Variants in IRAK1BP1 observed in about 807,000 individuals in gnomAD.
IRAK1BP1 encodes the protein interleukin-1 receptor-associated kinase 1-binding protein 1.
In IRAK1BP1, 24 loss-of-function variants were observed where a neutral mutation model predicts 28.0. The observed-to-expected ratio is 0.86, with a 90% CI of 0.62 to 1.20. The LOEUF (loss-of-function observed/expected upper bound fraction) is 1.20, where lower values mean the gene tolerates loss of function less well. Ranked by LOEUF, IRAK1BP1 falls within the 50% of genes most tolerant of loss-of-function variation. IRAK1BP1 has a pLI of 0.00. For synonymous variants in IRAK1BP1, 131 were observed against 116.3 expected (o/e 1.13, Z -0.81); for missense variants, 336 against 316.7 (o/e 1.06, Z -0.46).
chr6:78,931,362 C>T (rs889165968), intron 4 of IRAK1BP1, among the ~76,000 whole-genome samples: 3 of 151,660 alleles, frequency 2.0e-5, no homozygotes, highest in African/African-American at 7.3e-5. Context: ...CAGTGAGCTA[C>T]GATTTGTGCC....
intron 1 of IRAK1BP1, among the ~76,000 whole-genome samples, chr6:78,868,573 AACAAATCTT>A (rs1214540893): frequency 1.3e-5 from 2 of 152,218 alleles, no homozygotes; most frequent in African/African-American, 2.4e-5. Flanking sequence ...CAAATCACTA[AACAAATCTT>A]ACCTTAAGCC....
chr6:78,941,313 C>T lies in IRAK1BP1; in HGVS notation c.*68-4095C>T, dbSNP rs776162259. The T allele has an allele frequency of 8.7e-6, 14 of 1,612,742 alleles. No homozygotes were observed. Among genetic ancestry groups the T allele is most frequent in the South Asian group, 6.6e-5 (6 of 91,004 alleles). On this transcript the variant is annotated intron_variant and NMD_transcript_variant, in intron 4 of 4. Coordinates refer to the IRAK1BP1 transcript ENST00000606868. ...ACTTGAATGGTTCCTGGTACAAGAGCGTTGTTCTTACAATCTCCTAAAAGG... is the reference window on the plus strand; with the variant it reads ...ACTTGAATGGTTCCTGGTACAAGAGTGTTGTTCTTACAATCTCCTAAAAGG...
chr6:78,898,419 T>TAC lies in IRAK1BP1; in HGVS notation c.*86_*87insCA, dbSNP rs1002750659. On this transcript the variant is annotated 3_prime_UTR_variant, in exon 4 of 4. Coordinates refer to ENST00000369940, the MANE Select transcript of IRAK1BP1 (RefSeq NM_001010844.4). Reference sequence around the variant, plus strand: ...TGTTTACGTTTGTCCTGAATATATATATATATATATATATATATATATATA... The same window carrying TAC: ...TGTTTACGTTTGTCCTGAATATATATACATATATATATATATATATATATATA... 1 of 147,236 alleles carries TAC rather than the reference T, an allele frequency of 6.8e-6. No homozygotes were observed. The highest frequency in any genetic ancestry group is 1.3e-5 in the Non-Finnish European group (1 of 74,352). The allele number at this position is 147,236 out of a possible 1,614,324, so 9.1% of individuals were successfully genotyped here.
At chr6:78,907,337 A>G (rs1772286774), downstream of IRAK1BP1, among the ~76,000 whole-genome samples, 1 of 152,242 alleles carries the variant, frequency 6.6e-6, no homozygotes, top group African/African-American at 2.4e-5. Context: ...TTATTAAAAT[A>G]AATGATAAAT....
chr6:78,970,835 A>G, the IRAK1BP1 span: 1 of 1,611,970 alleles, frequency 6.2e-7, no homozygotes, highest in Non-Finnish European at 8.5e-7. Flanking sequence ...TATATATTTT[A>G]TTTTTCCGGG....
At chr6:78,958,329 C>T in the IRAK1BP1 span, 13 of 531,652 alleles carry the variant, frequency 2.4e-5, no homozygotes, top group Admixed American at 2.3e-4. Context: ...ACCTTTAGAT[C>T]TTCAGTCTAA....
rs113234440 is a variant in IRAK1BP1 at position 78,875,703 on chromosome 6, A to G, written c.315+7812A>G. Among the ~76,000 whole-genome samples, 139 of 152,172 alleles carry G rather than the reference A, an allele frequency of 9.1e-4. 1 individual carries two copies. The highest frequency in any genetic ancestry group is 3.3e-3 in the African/African-American group (137 of 41,522). On this transcript the variant is annotated intron_variant, in intron 1 of 3. Transcript: ENST00000369940. ...ATGGACCCAAAGATAAGAACAATAA[A>G]CACTGGGAACTCCAAAAGTAGGGAG...
At chr6:78,954,047 A>G in the IRAK1BP1 span, among the ~76,000 whole-genome samples, 2 of 152,184 alleles carry the variant, frequency 1.3e-5, no homozygotes. Flanking sequence ...CATAACCTAA[A>G]TATATACAAT....
chr6:78,878,184 A>C (rs944863859), intron 1 of IRAK1BP1, among the ~76,000 whole-genome samples: 3 of 152,202 alleles, frequency 2.0e-5, no homozygotes, highest in Admixed American at 6.5e-5. Flanking sequence ...GAGAACGGAC[A>C]GACTGCCTCC....
intron 4 of IRAK1BP1, among the ~76,000 whole-genome samples, chr6:78,915,870 T>G (rs1274759370): frequency 6.6e-6 from 1 of 152,218 alleles, no homozygotes; most frequent in African/African-American, 2.4e-5. Context: ...GTCCAGATAA[T>G]AGTGTTGGCA....
the IRAK1BP1 span, among the ~76,000 whole-genome samples, chr6:78,975,681 G>T: frequency 6.6e-6 from 1 of 152,116 alleles, no homozygotes; most frequent in Admixed American, 6.6e-5. Flanking sequence ...CAAAGTCTCA[G>T]GATACAAAAT....
In IRAK1BP1 at chr6:78,898,328, C is replaced by T. The variant is rs779378926; in HGVS notation, c.777C>T (p.His259=). 15 of 1,518,856 alleles carry T rather than the reference C, an allele frequency of 9.9e-6. No individual in the cohort carries two copies. The East Asian group carries it at 2.7e-4, about 28-fold the overall frequency. The allele number at this position is 1,518,856 out of a possible 1,614,324, so 94.1% of individuals were successfully genotyped here. The change falls in exon 4 of 4, where the codon CAC becomes CAT. Residue 259 remains histidine, a synonymous_variant. Transcript: ENST00000369940. The stretch of plus-strand genomic sequence containing the variant: ...AGGGAAAAGAGAAGAGAAAAAAGCA[C>T]CTTTGAAATTCCAAACAAATTATAT... The part of the protein sequence containing the change: ...EVKGKEKRKK[H]L
At chr6:78,931,821 A>G (rs1773052843) in intron 4 of IRAK1BP1, among the ~76,000 whole-genome samples, 1 of 152,046 alleles carries the variant, frequency 6.6e-6, no homozygotes, top group Non-Finnish European at 1.5e-5. Flanking sequence ...GGCTGTGTCA[A>G]TTTCTTAAGA....
intron 2 of IRAK1BP1, among the ~76,000 whole-genome samples, chr6:78,888,157 T>C (rs1562082565): frequency 6.6e-6 from 1 of 152,122 alleles, no homozygotes; most frequent in South Asian, 2.1e-4. Context: ...AATCATATCA[T>C]AGAAGCAAAA....
intron 1 of IRAK1BP1, chr6:78,871,874 G>GTGTGCAT: frequency 2.0e-6 from 1 of 506,220 alleles, no homozygotes; most frequent in Non-Finnish European, 3.5e-6. Flanking sequence ...TGTATCCTTT[G>GTGTGCAT]GCACTTCACA....
chr6:78,929,092 GTTC>G (rs1392740555), intron 4 of IRAK1BP1, among the ~76,000 whole-genome samples: 3 of 152,092 alleles, frequency 2.0e-5, no homozygotes, highest in Admixed American at 1.3e-4. Context: ...ATTGGTGTTA[GTTC>G]TTCTTTAAAT....
At chr6:78,874,350 A>C (rs1490382471) in intron 1 of IRAK1BP1, among the ~76,000 whole-genome samples, 6 of 152,192 alleles carry the variant, frequency 3.9e-5, no homozygotes, top group African/African-American at 1.4e-4. Flanking sequence ...TACTGCTCAG[A>C]GGTAGTAGGG....
At chr6:78,941,937 T>C (rs1194851285) in intron 4 of IRAK1BP1, among the ~76,000 whole-genome samples, 2 of 152,144 alleles carry the variant, frequency 1.3e-5, no homozygotes, top group South Asian at 2.1e-4. Flanking sequence ...CTGAAGGATC[T>C]GGAGATGATG....
At chr6:78,888,078 T>C (rs1404118357) in intron 2 of IRAK1BP1, among the ~76,000 whole-genome samples, 1 of 152,164 alleles carries the variant, frequency 6.6e-6, no homozygotes, top group Non-Finnish European at 1.5e-5. Context: ...CAAGACATTA[T>C]GTTAAGAGAA....
Sources: allele counts gnomAD v4.1 joint callset (sites outside exome capture counted in the v4.1 genomes callset), GRCh38; gene constraint gnomAD v4.1.1; transcripts MANE v1.5; gene names NCBI Gene and HGNC (gene_info 2026-07-23, HGNC 2026-07-21).